ZNF577: variants seen among roughly 807,000 people sequenced by gnomAD.
ZNF577 encodes the protein zinc finger protein 577.
In ZNF577, 14 loss-of-function variants were observed where a neutral mutation model predicts 13.9. The observed-to-expected ratio is 1.00, with a 90% confidence interval of 0.66 to 1.57. ZNF577 has a LOEUF of 1.57. Ranked by LOEUF, ZNF577 falls within the 40% of genes most tolerant of loss-of-function variation. ZNF577 has a pLI of 0.00. For synonymous variants in ZNF577, 203 were observed against 202.9 expected, an observed-to-expected ratio of 1.00 and a Z score of 0.00; for missense variants, 555 against 579.2, an observed-to-expected ratio of 0.96 and a Z score of 0.43.
chr19:51,869,416 A>T lies in ZNF577; in HGVS notation c.*3116T>A, dbSNP rs948477793. On this transcript the variant is annotated 3_prime_UTR_variant, in exon 6 of 6. Coordinates refer to ENST00000638348, the MANE Select transcript of ZNF577 (RefSeq NM_001370449.1). ...GCACCTTTCCTTAAACTTATTTATG[A>T]CACAGAGTCCTTCGCTCATGTTTCC... Among the ~76,000 whole-genome samples, 9 of 152,076 alleles carry T rather than the reference A, an allele frequency of 5.9e-5. No homozygotes were observed. Among genetic ancestry groups the T allele is most frequent in the Admixed American group, 2.0e-4 (3 of 15,272 alleles).
At position 51,868,380 on chromosome 19, in the gene ZNF577, T is replaced by G. The variant is rs959708459; in HGVS notation, c.*4152A>C. Among the ~76,000 whole-genome samples the G allele has an allele frequency of 6.6e-6, 1 of 151,572 alleles. No individual in the cohort carries two copies. Among genetic ancestry groups the G allele is most frequent in the Non-Finnish European group, 1.5e-5 (1 of 67,904 alleles). Reference sequence around the variant, plus strand: ...GGTTAGGTAAGACCCATGCCCTGAGTCCCCTCCCCAGCCTCCAACATGGGA... The same window carrying G: ...GGTTAGGTAAGACCCATGCCCTGAGGCCCCTCCCCAGCCTCCAACATGGGA... On this transcript the variant is annotated 3_prime_UTR_variant, in exon 6 of 6. Coordinates refer to ENST00000638348, the MANE Select transcript of ZNF577 (RefSeq NM_001370449.1).
At chr19:51,809,820 T>C (rs1009246855) in intron 10 of ZNF577, among the ~76,000 whole-genome samples, 1 of 152,176 alleles carries the variant, frequency 6.6e-6, no homozygotes, top group Non-Finnish European at 1.5e-5. Context: ...CTTGTGTTCC[T>C]GGGGTGAGGG....
intron 5 of ZNF577, among the ~76,000 whole-genome samples, chr19:51,859,983 T>C (rs1465938570): frequency 6.6e-6 from 1 of 152,134 alleles, no homozygotes; most frequent in Non-Finnish European, 1.5e-5. Context: ...TTTTCATATA[T>C]TCAAAAGGAA....
rs1568433612 is a variant in ZNF577, at chr19:51,824,859, G to A, written c.*600-13185C>T. 3.7e-6 allele frequency: 5 copies of A among 1,352,052 alleles called. No individual in the cohort carries two copies. Among genetic ancestry groups the A allele is most frequent in the Admixed American group, 5.6e-5 (2 of 35,664 alleles). 83.8% of individuals were successfully genotyped at this position (1,352,052 alleles called of 1,614,324 possible). On this transcript the variant is annotated intron_variant and NMD_transcript_variant, in intron 9 of 10. Transcript: ENST00000638827. This position sits in a 1 kb window ranked among gnomAD's most constrained non-coding sequence, Gnocchi z 4.7. ...GTCTCTTTCTACCCTGCGTTAAGCG[G>A]AAAAAAAAAATTCTGACAGTGTTTT... is the stretch of plus-strand genomic sequence containing the variant.
intron 10 of ZNF577, among the ~76,000 whole-genome samples, chr19:51,807,460 G>A (rs928951420): frequency 4.6e-5 from 7 of 152,164 alleles, no homozygotes; most frequent in South Asian, 2.1e-4. Flanking sequence ...AGTTGGTCAC[G>A]TCCCATGGGC....
intron 3 of ZNF577, 114 bp from the exon 4 acceptor site, chr19:51,878,629 T>C: frequency 1.5e-6 from 2 of 1,309,866 alleles, no homozygotes; most frequent in Non-Finnish European, 2.1e-6. Flanking sequence ...ACACCATGGC[T>C]ATTTCACATA....
chr19:51,809,823 G>C (rs1483680721), intron 10 of ZNF577, among the ~76,000 whole-genome samples: 1 of 152,128 alleles, frequency 6.6e-6, no homozygotes, highest in Non-Finnish European at 1.5e-5. Context: ...GTGTTCCTGG[G>C]GTGAGGGAAT....
At chr19:51,814,437 A>G (rs2084119366) in intron 9 of ZNF577, among the ~76,000 whole-genome samples, 1 of 152,174 alleles carries the variant, frequency 6.6e-6, no homozygotes, top group Non-Finnish European at 1.5e-5. Context: ...ATGATATTGG[A>G]TAACGGGTAC....
chr19:51,806,329 C>A (rs2084058499), intron 10 of ZNF577, among the ~76,000 whole-genome samples: 1 of 152,206 alleles, frequency 6.6e-6, no homozygotes. Context: ...ACCCTCTTCC[C>A]CATGTCAGTA....
rs562877331 is a variant in ZNF577, at chr19:51,885,669, G to A, written c.-219+1152C>T. On this transcript the variant is annotated intron_variant, in intron 1 of 5. Coordinates refer to ENST00000638348, the MANE Select transcript of ZNF577 (RefSeq NM_001370449.1). ...TGGGATTACAGACACCCGCTACCACGCCCTGCTAATTTTTGTATTTAGTAG... is the reference window on the plus strand; with the variant it reads ...TGGGATTACAGACACCCGCTACCACACCCTGCTAATTTTTGTATTTAGTAG... Among the ~76,000 whole-genome samples the A allele has an allele frequency of 3.9e-5, 6 of 152,096 alleles. No individual in the cohort carries two copies. The East Asian group carries it at 5.8e-4, about 15-fold the overall frequency.
intron 9 of ZNF577, chr19:51,817,664 C>T (rs574060234): frequency 4.5e-4 from 68 of 152,264 alleles, no homozygotes; most frequent in African/African-American, 1.6e-3. Context: ...CTCATCAATA[C>T]AGGCATTCTG....
rs139793289 is a variant in ZNF577 at position 51,831,320 on chromosome 19, T to C, written c.*599+8573A>G. On this transcript the variant is annotated intron_variant and NMD_transcript_variant, in intron 9 of 10. Transcript: ENST00000638827. ...TTAGTAGAGATGGGGTTTCACCATG[T>C]TGGCCAGGCTGGTCTCAAACTCCTG... Among the ~76,000 whole-genome samples the C allele has an allele frequency of 4.0e-3, 615 of 152,310 alleles. 1 individual carries two copies. Among genetic ancestry groups the C allele is most frequent in the African/African-American group, 6.3e-3 (262 of 41,580 alleles).
chr19:51,872,477 T>C lies in ZNF577; in HGVS notation c.*55A>G, dbSNP rs2084673933. 2.1e-6 allele frequency: 3 copies of C among 1,404,240 alleles called. No homozygotes were observed. Among genetic ancestry groups the C allele is most frequent in the East Asian group, 2.5e-5 (1 of 40,570 alleles). 87.0% of individuals were successfully genotyped at this position (1,404,240 alleles called of 1,614,324 possible). The stretch of plus-strand genomic sequence containing the variant: ...AGCCCTAAATGAGCTCTCTGGGATA[T>C]AATGGCTGGAGGATTCCTACTAAAG... On this transcript the variant is annotated 3_prime_UTR_variant, in exon 6 of 6. Coordinates refer to ENST00000638348, the MANE Select transcript of ZNF577 (RefSeq NM_001370449.1).
chr19:51,879,182 G>A (rs947770487), intron 3 of ZNF577, among the ~76,000 whole-genome samples: 14 of 151,336 alleles, frequency 9.3e-5, no homozygotes, highest in African/African-American at 2.9e-4. Context: ...GCATGAACCC[G>A]GGAGGCAGAG....
intron 4 of ZNF577, chr19:51,878,078 T>G (rs2084795324): frequency 5.5e-6 from 1 of 183,428 alleles, no homozygotes; most frequent in South Asian, 1.5e-4. Flanking sequence ...AGACAGAAAG[T>G]GAATGGTGGT....
At chr19:51,852,013 C>T (rs1008144034) in intron 5 of ZNF577, among the ~76,000 whole-genome samples, 1 of 152,204 alleles carries the variant, frequency 6.6e-6, no homozygotes, top group Non-Finnish European at 1.5e-5. Context: ...GAAACTTTGC[C>T]TTAACTTCTA....
At chr19:51,823,480 T>C (rs2084205748) in intron 9 of ZNF577, among the ~76,000 whole-genome samples, 1 of 152,208 alleles carries the variant, frequency 6.6e-6, no homozygotes, top group Non-Finnish European at 1.5e-5. Context: ...GTTCAGTATT[T>C]CCGCTGGTGG....
At chr19:51,813,620 T>C (rs1271470616) in intron 9 of ZNF577, among the ~76,000 whole-genome samples, 1 of 151,840 alleles carries the variant, frequency 6.6e-6, no homozygotes, top group Non-Finnish European at 1.5e-5. Flanking sequence ...AAGCTCCACC[T>C]CCCGGGTTCA....
intron 9 of ZNF577, among the ~76,000 whole-genome samples, chr19:51,816,010 T>C (rs113088467): frequency 0.026 from 3,894 of 150,848 alleles, 167 homozygotes; most frequent in African/African-American, 0.09. Flanking sequence ...GAGGCTGCAG[T>C]GAGCTGTGAC....
Sources: gnomAD v4.1 joint callset for allele counts (sites outside exome capture counted in the v4.1 genomes callset) on GRCh38, gnomAD v4.1.1 for gene constraint, Gnocchi (gnomAD v3.1) non-coding constraint, MANE v1.5 for transcripts, NCBI Gene and HGNC (gene_info 2026-07-23, HGNC 2026-07-21) for gene names.